Variants in WDR33 observed in about 807,000 individuals in gnomAD.
The protein encoded by WDR33 is pre-mRNA 3' end processing protein WDR33.
A neutral mutation model predicts 164.9 loss-of-function variants in WDR33; 47 were observed. That is an observed-to-expected ratio of 0.29 (90% CI 0.23 to 0.36). WDR33 has a LOEUF of 0.36. Among genes scored for constraint, WDR33 ranks in the 10% least tolerant of loss-of-function variants. The pLI is 1.00. For synonymous variants in WDR33, 505 were observed against 589.0 expected, an observed-to-expected ratio of 0.86 and a Z score of 2.06; for missense variants, 1,137 against 1,754.1, an observed-to-expected ratio of 0.65 and a Z score of 6.28.
chr2:127,719,493 T>C lies in WDR33; in HGVS notation c.2532A>G (p.Ser844=), dbSNP rs139684737. The C allele has an allele frequency of 3.9e-5, 62 of 1,609,848 alleles. No individual in the cohort carries two copies. In the African/African-American group the frequency reaches 8.2e-4, roughly 21 times the overall value. The change falls in exon 16 of 22, where the codon TCA becomes TCG. Residue 844 remains serine, a synonymous_variant. Transcript: ENST00000322313. This position sits in a 1 kb window ranked among gnomAD's most constrained non-coding sequence, Gnocchi z 6.5. ...GCAATTCCTGGGGAGGTCCCAGCAT[T>C]GATCCTTGGGGTGGAGGCCCCTGCA... The part of the protein sequence containing the change: ...RGMQGPPPQG[S]MLGPPQELRG...
In WDR33 at chr2:127,702,346, A is replaced by G. The variant is rs1685914561; in HGVS notation, c.*3977T>C. 1 of 545,020 alleles carries G rather than the reference A, an allele frequency of 1.8e-6. No homozygotes were observed. The allele number at this position is 545,020 out of a possible 1,614,324, so 33.8% of individuals were successfully genotyped here. On this transcript the variant is annotated 3_prime_UTR_variant, in exon 22 of 22. Transcript: ENST00000322313. Reference sequence around the variant, plus strand: ...GGCTGCTGCCAGCGGAGGCGACAGCAGCGTTGGGAGCTCCTCGATGTCAGC... The same window carrying G: ...GGCTGCTGCCAGCGGAGGCGACAGCGGCGTTGGGAGCTCCTCGATGTCAGC...
At chr2:127,792,539 G>A (rs1042812862) in intron 1 of WDR33, among the ~76,000 whole-genome samples, 1 of 151,622 alleles carries the variant, frequency 6.6e-6, no homozygotes, top group African/African-American at 2.4e-5. Flanking sequence ...TGTGCAGTGT[G>A]CGCCTGTAAT....
At chr2:127,781,267 C>A (rs890197178) in intron 1 of WDR33, among the ~76,000 whole-genome samples, 1 of 152,146 alleles carries the variant, frequency 6.6e-6, no homozygotes, top group Non-Finnish European at 1.5e-5. Flanking sequence ...ATTTATATGA[C>A]ATTCTTAAAA....
chr2:127,768,835 A>T, intron 3 of WDR33, 98 bp downstream of exon 3: 2 of 790,276 alleles, frequency 2.5e-6, no homozygotes, highest in Non-Finnish European at 4.1e-6. Flanking sequence ...AAAATGTAAA[A>T]AGAAAAGACC....
intron 1 of WDR33, among the ~76,000 whole-genome samples, chr2:127,775,197 A>AT (rs199545982): frequency 0.013 from 1,984 of 151,176 alleles, 50 homozygotes; most frequent in African/African-American, 0.045. Context: ...AAAAAAAAAA[A>AT]TTTTTTTTTG....
chr2:127,713,639 A>C lies in WDR33; in HGVS notation c.3252T>G (p.Asp1084Glu). The change falls in exon 18 of 22, where the codon GAT (aspartate) becomes GAG (glutamate). Residue 1084 changes from aspartate to glutamate, a missense_variant. Around this residue, in one of 9 missense-constraint regions of WDR33, gnomAD observed 867 missense variants for 1,073.0 expected, o/e 0.81. Transcript: ENST00000322313. The surrounding 1 kb of genome is among the most constrained non-coding windows in gnomAD (Gnocchi z 6.2). ...PGAWEGRRPG[D>E]ERFPRDPEDP... ...CCTCGGGATCCCGGGGGAAACGTTC[A>C]TCTCCGGGCCTGCGGCCTTCCCATG... 6.2e-7 allele frequency: 1 copy of C among 1,614,228 alleles called. No homozygotes were observed. The highest frequency in any genetic ancestry group is 8.5e-7 in the Non-Finnish European group (1 of 1,180,032).
intron 7 of WDR33, among the ~76,000 whole-genome samples, chr2:127,749,661 CA>C (rs1212240477): frequency 0.062 from 5,058 of 80,936 alleles, 131 homozygotes; most frequent in Middle Eastern, 0.14. Context: ...GACTCCACCT[CA>C]AAAAAAAAAA....
chr2:127,788,098 GGC>G (rs1688666022), intron 1 of WDR33, among the ~76,000 whole-genome samples: 1 of 99,044 alleles, frequency 1.0e-5, no homozygotes, highest in African/African-American at 5.0e-5. Flanking sequence ...TCCCGGACGG[GGC>G]GGCTGGCCGG....
chr2:127,788,487 T>A (rs1338593353), intron 1 of WDR33, among the ~76,000 whole-genome samples: 1 of 98,454 alleles, frequency 1.0e-5, no homozygotes, highest in African/African-American at 4.3e-5. Context: ...CACCCCCACC[T>A]CCCTCCCGGA....
At chr2:127,731,974 G>C (rs1462103757) in intron 7 of WDR33, among the ~76,000 whole-genome samples, 1 of 152,092 alleles carries the variant, frequency 6.6e-6, no homozygotes, top group Non-Finnish European at 1.5e-5. Context: ...CATGCTCCCA[G>C]CTTCTCAGGA....
At chr2:127,776,198 T>C (rs1264719898) in intron 1 of WDR33, among the ~76,000 whole-genome samples, 1 of 152,126 alleles carries the variant, frequency 6.6e-6, no homozygotes, top group Non-Finnish European at 1.5e-5. Context: ...GACAAAAGAA[T>C]GACCATGTGA....
intron 1 of WDR33, among the ~76,000 whole-genome samples, chr2:127,808,563 T>C (rs1157472517): frequency 1.3e-5 from 2 of 152,216 alleles, no homozygotes; most frequent in Non-Finnish European, 2.9e-5. Flanking sequence ...AGGACTAATG[T>C]AAATGGTTTG....
At chr2:127,798,096 G>A (rs1354971936) in intron 1 of WDR33, among the ~76,000 whole-genome samples, 2 of 152,058 alleles carry the variant, frequency 1.3e-5, no homozygotes, top group East Asian at 1.9e-4. Context: ...AGCCGGGCGT[G>A]GTGGCTCATG....
chr2:127,702,883 T>C lies in WDR33; in HGVS notation c.*3440A>G, dbSNP rs1685928218. On this transcript the variant is annotated 3_prime_UTR_variant, in exon 22 of 22. Transcript: ENST00000322313. ...GGCGCGTAGATGCTTAACGGTCTCT[T>C]CGGAAATCCTGCAAATAGAAAGATA... 1 of 166,918 alleles carries C rather than the reference T, an allele frequency of 6.0e-6. No homozygotes were observed. The highest frequency in any genetic ancestry group is 1.5e-5 in the Non-Finnish European group (1 of 68,118). The allele number at this position is 166,918 out of a possible 1,614,324, so 10.3% of individuals were successfully genotyped here.
At chr2:127,807,557 A>G (rs1180876628) in intron 1 of WDR33, among the ~76,000 whole-genome samples, 1 of 152,184 alleles carries the variant, frequency 6.6e-6, no homozygotes, top group Non-Finnish European at 1.5e-5. Flanking sequence ...GACTAACTAA[A>G]CAAGTTATGA....
At chr2:127,742,294 A>G (rs1687039347) in intron 7 of WDR33, among the ~76,000 whole-genome samples, 1 of 152,110 alleles carries the variant, frequency 6.6e-6, no homozygotes, top group African/African-American at 2.4e-5. Context: ...TTGGGAGGCC[A>G]AGGTATGTGG....
In WDR33 at chr2:127,719,635, G is replaced by A. The variant is rs370176715; in HGVS notation, c.2390C>T (p.Ala797Val). Residue 797 changes from alanine (A) to valine (V), a missense_variant, in exon 16 of 22, where the codon GCT (alanine) becomes GTT (valine). By Grantham distance (64) the Ala-to-Val change is moderately conservative. Coordinates refer to ENST00000322313, the MANE Select transcript of WDR33 (RefSeq NM_018383.5). This position sits in a 1 kb window ranked among gnomAD's most constrained non-coding sequence, Gnocchi z 6.5. Reference protein sequence around the residue: ...PPGPRENQGPAPQGMIMGHPP... With the variant: ...PPGPRENQGPVPQGMIMGHPP... ...GTGGCCCATAATCATCCCTTGGGGA[G>A]CAGGACCCTGGTTCTCCCGGGGGCC... is the stretch of plus-strand genomic sequence containing the variant. 30 of 1,613,748 alleles carry A rather than the reference G, an allele frequency of 1.9e-5. No homozygotes were observed. Among genetic ancestry groups the A allele is most frequent in the African/African-American group, 6.7e-5 (5 of 74,894 alleles).
chr2:127,793,687 G>A (rs1209620664), intron 1 of WDR33, among the ~76,000 whole-genome samples: 1 of 152,128 alleles, frequency 6.6e-6, no homozygotes, highest in Non-Finnish European at 1.5e-5. Flanking sequence ...GCTGCAGTGA[G>A]TTATGATCAT....
Position 127,721,812 on chromosome 2 carries a change from T to C in WDR33, c.1671+24A>G. ...ACTACCCTCTTAGATCATCTTGAAT[T>C]CCCCCCTACAGAGCTTCACACACCT... On this transcript the variant is annotated intron_variant, in intron 15 of 21. Coordinates refer to ENST00000322313, the MANE Select transcript of WDR33 (RefSeq NM_018383.5). This position sits in a 1 kb window ranked among gnomAD's most constrained non-coding sequence, Gnocchi z 4.9. 2 of 1,585,280 alleles carry C rather than the reference T, an allele frequency of 1.3e-6. No homozygotes were observed. Among genetic ancestry groups the C allele is most frequent in the Non-Finnish European group, 1.7e-6 (2 of 1,168,954 alleles).
Sources: gnomAD v4.1 joint callset for allele counts (sites outside exome capture counted in the v4.1 genomes callset) on GRCh38, gnomAD v4.1.1 for gene constraint, gnomAD v4.1.1 regional missense constraint, Gnocchi (gnomAD v3.1) non-coding constraint, MANE v1.5 for transcripts, NCBI Gene and HGNC (gene_info 2026-07-23, HGNC 2026-07-21) for gene names.